The following PARD3B variants were observed in gnomAD, a reference collection of about 807,000 sequenced individuals.
PARD3B encodes the protein partitioning defective 3 homolog B.
PARD3B carries 103 observed loss-of-function variants against 130.2 expected under a neutral mutation model. The ratio of observed to expected loss-of-function variants is 0.79; its 90% confidence interval spans 0.67 to 0.93. The LOEUF is 0.93. Ranked by LOEUF, PARD3B falls within the 40% of genes least tolerant of loss-of-function variation. PARD3B has a pLI of 0.00. For synonymous variants in PARD3B, 583 were observed against 553.2 expected (o/e 1.05, Z -0.76); for missense variants, 1,609 against 1,499.2 (o/e 1.07, Z -1.21).
At chr2:204,725,553 TC>T (rs1317810866) in intron 2 of PARD3B, among the ~76,000 whole-genome samples, 1 of 152,202 alleles carries the variant, frequency 6.6e-6, no homozygotes, top group Non-Finnish European at 1.5e-5. Context: ...GAGCTTCTTT[TC>T]CATAATGGTG....
rs1258989451 is a variant in PARD3B at position 204,992,171 on chromosome 2, G to A, written c.394+26848G>A. Among the ~76,000 whole-genome samples the A allele has an allele frequency of 3.1e-3, 460 of 149,834 alleles. 5 individuals are homozygous for A. Among genetic ancestry groups the A allele is most frequent in the African/African-American group, 0.01 (423 of 40,684 alleles). On this transcript the variant is annotated intron_variant, in intron 3 of 22. Coordinates refer to ENST00000406610, the MANE Select transcript of PARD3B (RefSeq NM_001302769.2). ...TTTGCCCACGCCTATGTCCTGAATG[G>A]TAATGCCTAGGTTTTCTTCTAGGGT...
chr2:205,597,676 CAGCATCTGTCGTTTTT>C (rs1433623573), intron 22 of PARD3B, among the ~76,000 whole-genome samples: 1 of 152,152 alleles, frequency 6.6e-6, no homozygotes, highest in Non-Finnish European at 1.5e-5. Context: ...GCAGCCTCAC[CAGCATCTGTCGTTTTT>C]AGACTTTATA....
rs1441965460 is a variant in PARD3B, at chr2:205,274,274, T to C, written c.2186-26256T>C. Among the ~76,000 whole-genome samples, 1 of 152,094 alleles carries C rather than the reference T, an allele frequency of 6.6e-6. No homozygotes were observed. Among genetic ancestry groups the C allele is most frequent in the African/African-American group, 2.4e-5 (1 of 41,436 alleles). On this transcript the variant is annotated intron_variant, in intron 16 of 22. Coordinates refer to ENST00000406610, the MANE Select transcript of PARD3B (RefSeq NM_001302769.2). The surrounding 1 kb of genome is among the most constrained non-coding windows in gnomAD (Gnocchi z 4.2). The stretch of plus-strand genomic sequence containing the variant: ...GAATAGGCAACATGTTTACCTCCCT[T>C]CACTATAGCATATTGGTATTAGGAT...
At chr2:204,896,582 C>T (rs1445904144) in intron 2 of PARD3B, among the ~76,000 whole-genome samples, 1 of 152,126 alleles carries the variant, frequency 6.6e-6, no homozygotes, top group Non-Finnish European at 1.5e-5. Context: ...ATATGAGTCC[C>T]TTTATTCAGT....
chr2:205,089,239 T>C (rs187034319), intron 4 of PARD3B, among the ~76,000 whole-genome samples: 2,028 of 150,464 alleles, frequency 0.013, 45 homozygotes, highest in African/African-American at 0.046. Flanking sequence ...GGCATGATCT[T>C]GGCTCACTGC....
At chr2:205,317,596 G>C (rs866040667) in intron 18 of PARD3B, among the ~76,000 whole-genome samples, 1 of 152,018 alleles carries the variant, frequency 6.6e-6, no homozygotes, top group Non-Finnish European at 1.5e-5. Context: ...TGGGCCAGTC[G>C]ATCACCCTAT....
chr2:205,050,884 G>C (rs1237457159), intron 4 of PARD3B, among the ~76,000 whole-genome samples: 1 of 152,064 alleles, frequency 6.6e-6, no homozygotes, highest in Non-Finnish European at 1.5e-5. Flanking sequence ...TTGGGCAACA[G>C]TGCAATTCGG....
chr2:205,537,623 T>C (rs543846616), intron 21 of PARD3B, among the ~76,000 whole-genome samples: 11 of 152,150 alleles, frequency 7.2e-5, no homozygotes, highest in Non-Finnish European at 1.3e-4. Flanking sequence ...AATGGACCGA[T>C]AGCAAAATGG....
At position 204,587,015 on chromosome 2, in the gene PARD3B, C is replaced by T. The variant is rs576056067; in HGVS notation, c.120+40896C>T. 2.6e-5 allele frequency among the ~76,000 whole-genome samples: 4 copies of T among 152,220 alleles called. No individual in the cohort carries two copies. In the South Asian group the frequency reaches 8.3e-4, roughly 32 times the overall value. On this transcript the variant is annotated intron_variant, in intron 1 of 22. Transcript: ENST00000406610. ...GGAATGCTAGATAATGGCACAAAAC[C>T]AGATCCTTCAGACTGTATAAATGCA... is the stretch of plus-strand genomic sequence containing the variant.
intron 3 of PARD3B, among the ~76,000 whole-genome samples, chr2:204,969,982 C>A (rs1341314506): frequency 6.6e-6 from 1 of 151,756 alleles, no homozygotes; most frequent in Non-Finnish European, 1.5e-5. Flanking sequence ...TAATGGGATC[C>A]ATAGATGTGG....
intron 20 of PARD3B, among the ~76,000 whole-genome samples, chr2:205,469,128 A>G (rs2048737411): frequency 6.6e-6 from 1 of 152,084 alleles, no homozygotes; most frequent in South Asian, 2.1e-4. Flanking sequence ...CCTCTATCAA[A>G]TCTTGAAGCA....
At chr2:205,464,661 G>A (rs1336424816) in intron 20 of PARD3B, among the ~76,000 whole-genome samples, 1 of 152,124 alleles carries the variant, frequency 6.6e-6, no homozygotes, top group Non-Finnish European at 1.5e-5. Context: ...ATTTCATTAA[G>A]AATATACACT....
intron 16 of PARD3B, among the ~76,000 whole-genome samples, chr2:205,262,707 A>C (rs1266401233): frequency 6.6e-6 from 1 of 152,080 alleles, no homozygotes; most frequent in Admixed American, 6.6e-5. Flanking sequence ...CATAGAAGTC[A>C]CACTAAACAC....
chr2:204,774,897 G>GGATTCATTTGTGT (rs2041551943), intron 2 of PARD3B, among the ~76,000 whole-genome samples: 1 of 152,084 alleles, frequency 6.6e-6, no homozygotes, highest in South Asian at 2.1e-4. Context: ...AATCCTTCCA[G>GGATTCATTTGTGT]TAAGAAATTG....
chr2:205,170,813 A>G (rs1417650150), intron 11 of PARD3B, among the ~76,000 whole-genome samples: 2 of 131,554 alleles, frequency 1.5e-5, no homozygotes, highest in Non-Finnish European at 3.4e-5. Flanking sequence ...TTTTTCTTTT[A>G]CATTTCATTC....
chr2:204,910,970 G>T (rs1575281786), intron 2 of PARD3B, among the ~76,000 whole-genome samples: 1 of 152,076 alleles, frequency 6.6e-6, no homozygotes, highest in Non-Finnish European at 1.5e-5. Flanking sequence ...TTCCCCTTAC[G>T]CTGAGTATGC....
At chr2:204,733,720 C>T (rs1343371805) in intron 2 of PARD3B, among the ~76,000 whole-genome samples, 1 of 151,804 alleles carries the variant, frequency 6.6e-6, no homozygotes, top group Non-Finnish European at 1.5e-5. Flanking sequence ...AATAGAATCC[C>T]CAAATAGACC....
chr2:205,126,714 C>T (rs1389905036), intron 10 of PARD3B, among the ~76,000 whole-genome samples: 3 of 129,668 alleles, frequency 2.3e-5, no homozygotes, highest in Non-Finnish European at 3.1e-5. Flanking sequence ...CCACTGCAGT[C>T]CGCAGTCCCA....
At chr2:205,443,287 C>T (rs186884954) in intron 20 of PARD3B, among the ~76,000 whole-genome samples, 32 of 152,296 alleles carry the variant, frequency 2.1e-4, no homozygotes, top group South Asian at 6.2e-4. Context: ...ACATACCATA[C>T]GTACTGTTAG....
Sources: gnomAD v4.1 joint callset for allele counts (sites outside exome capture counted in the v4.1 genomes callset) on GRCh38, gnomAD v4.1.1 for gene constraint, Gnocchi (gnomAD v3.1) non-coding constraint, MANE v1.5 for transcripts, NCBI Gene and HGNC (gene_info 2026-07-23, HGNC 2026-07-21) for gene names.